COL28A1: variants seen among roughly 807,000 people sequenced by gnomAD.
COL28A1 encodes the protein collagen type XXVIII alpha 1 chain.
Under a neutral mutation model 150.2 loss-of-function variants are expected in COL28A1, and 161 were observed. The observed-to-expected ratio is 1.07, with a 90% CI of 0.94 to 1.22. The LOEUF (loss-of-function observed/expected upper bound fraction) is 1.22, where lower values mean the gene tolerates loss of function less well. COL28A1 is among the 50% of genes most tolerant of loss of function. COL28A1 has a pLI of 0.00. For missense variants in COL28A1, 1,617 were observed against 1,388.3 expected (o/e 1.16, Z -2.62); for synonymous variants, 552 against 469.7 (o/e 1.18, Z -2.26).
the COL28A1 span, among the ~76,000 whole-genome samples, chr7:7,343,271 A>C: frequency 3.9e-5 from 6 of 152,078 alleles, no homozygotes; most frequent in Non-Finnish European, 8.8e-5. Context: ...AAAATTTCAC[A>C]TGGTATCACC....
At chr7:7,521,995 A>G (rs771166792) in intron 4 of COL28A1, 34 bp from the exon 5 acceptor site, 8 of 871,214 alleles carry the variant, frequency 9.2e-6, no homozygotes, top group South Asian at 9.2e-5. Context: ...ATTAACACAC[A>G]GTGAAATTCA....
rs190506773 is a variant in COL28A1 at position 7,530,333 on chromosome 7, T to G, written c.681+1015A>C. ...TATTTAGGTAAGAAAACCTCAGATC[T>G]TATGCTGAAAGCAACAGAGAGTAAA... On this transcript the variant is annotated intron_variant, in intron 3 of 34. Transcript: ENST00000399429. 1.8e-3 allele frequency among the ~76,000 whole-genome samples: 274 copies of G among 152,266 alleles called. 3 individuals are homozygous for G. Among genetic ancestry groups the G allele is most frequent in the African/African-American group, 6.1e-3 (252 of 41,566 alleles).
downstream of COL28A1, chr7:7,356,293 T>C (rs1184030668): frequency 1.3e-5 from 2 of 152,156 alleles, no homozygotes; most frequent in Admixed American, 1.3e-4. Flanking sequence ...AAATTACCTA[T>C]AAATGTCAAC....
At chr7:7,541,407 T>C in the COL28A1 span, among the ~76,000 whole-genome samples, 1 of 152,218 alleles carries the variant, frequency 6.6e-6, no homozygotes, top group Non-Finnish European at 1.5e-5. Flanking sequence ...TCATTGTTTA[T>C]ATCCAGAACT....
intron 25 of COL28A1, among the ~76,000 whole-genome samples, chr7:7,420,880 AG>A (rs1784359817): frequency 1.3e-5 from 2 of 152,238 alleles, no homozygotes; most frequent in East Asian, 3.8e-4. Flanking sequence ...AGAAGGATGT[AG>A]AAAAACAGGA....
chr7:7,342,660 T>G, the COL28A1 span, among the ~76,000 whole-genome samples: 1 of 152,048 alleles, frequency 6.6e-6, no homozygotes, highest in Non-Finnish European at 1.5e-5. Context: ...AGTCTAAAGT[T>G]AACCAACATC....
chr7:7,537,913 T>C (rs1349856547), upstream of COL28A1, among the ~76,000 whole-genome samples: 1 of 152,172 alleles, frequency 6.6e-6, no homozygotes, highest in Non-Finnish European at 1.5e-5. Context: ...GTTAAAAACA[T>C]GCAGAATAAT....
At chr7:7,364,025 T>C (rs1411516063) in intron 33 of COL28A1, among the ~76,000 whole-genome samples, 3 of 152,162 alleles carry the variant, frequency 2.0e-5, no homozygotes, top group Non-Finnish European at 4.4e-5. Context: ...TTCCTCTCTA[T>C]TCTGCCTCAG....
chr7:7,354,701 A>G (rs1780309014), downstream of COL28A1, among the ~76,000 whole-genome samples: 1 of 152,210 alleles, frequency 6.6e-6, no homozygotes, highest in African/African-American at 2.4e-5. Context: ...TTCTTAAAAT[A>G]TTGGGACACT....
chr7:7,383,253 TGTGTGTG>T (rs1562511987), intron 27 of COL28A1, among the ~76,000 whole-genome samples: 2 of 105,302 alleles, frequency 1.9e-5, no homozygotes, highest in African/African-American at 1.0e-4. Context: ...TTTTTTGTTG[TGTGTGTG>T]TGTGTGTGTG....
intron 27 of COL28A1, among the ~76,000 whole-genome samples, chr7:7,390,773 T>C (rs1782493231): frequency 6.6e-6 from 1 of 152,242 alleles, no homozygotes; most frequent in Non-Finnish European, 1.5e-5. Context: ...TCTAGTTTAT[T>C]TGCATAGAGG....
At chr7:7,451,616 A>T (rs752086710) in intron 18 of COL28A1, among the ~76,000 whole-genome samples, 35 of 152,276 alleles carry the variant, frequency 2.3e-4, no homozygotes, top group Non-Finnish European at 4.7e-4. Flanking sequence ...GCTGAGCCTT[A>T]CTATATCGTA....
chr7:7,512,698 C>T (rs1320275996), intron 8 of COL28A1, among the ~76,000 whole-genome samples: 1 of 152,114 alleles, frequency 6.6e-6, no homozygotes, highest in African/African-American at 2.4e-5. Flanking sequence ...TTAGAGTTTT[C>T]AAAATGCTTT....
chr7:7,531,295 A>T (rs1336217922), intron 3 of COL28A1, 53 bp downstream of exon 3: 1 of 739,626 alleles, frequency 1.4e-6, no homozygotes, highest in African/African-American at 1.8e-5. Context: ...GATTTACAAC[A>T]AATATGTCAA....
chr7:7,375,778 A>G (rs1436802589), intron 30 of COL28A1, among the ~76,000 whole-genome samples: 2 of 152,184 alleles, frequency 1.3e-5, no homozygotes, highest in Non-Finnish European at 2.9e-5. Context: ...CCCTAACAGT[A>G]TCTGTGTCTC....
At chr7:7,490,518 C>T in intron 12 of COL28A1, 60 bp downstream of exon 12, 9 of 799,324 alleles carry the variant, frequency 1.1e-5, no homozygotes, top group East Asian at 2.6e-5. Context: ...AATCATGGCT[C>T]CCCCAGGCCC....
chr7:7,512,442 A>T (rs1322088597), intron 8 of COL28A1, among the ~76,000 whole-genome samples: 1 of 152,220 alleles, frequency 6.6e-6, no homozygotes, highest in Non-Finnish European at 1.5e-5. Context: ...GTATACATTT[A>T]TCAAATTATA....
At chr7:7,361,720 A>G (rs993147509) in intron 33 of COL28A1, among the ~76,000 whole-genome samples, 1 of 152,082 alleles carries the variant, frequency 6.6e-6, no homozygotes, top group African/African-American at 2.4e-5. Context: ...TCTAGTATAA[A>G]GACACACGCA....
the COL28A1 span, among the ~76,000 whole-genome samples, chr7:7,339,032 T>C: frequency 6.6e-6 from 1 of 152,142 alleles, no homozygotes; most frequent in Non-Finnish European, 1.5e-5. Flanking sequence ...CATCCTAGAT[T>C]AGCCAGTTCT....
Sources: allele counts gnomAD v4.1 joint callset (sites outside exome capture counted in the v4.1 genomes callset), GRCh38; gene constraint gnomAD v4.1.1; transcripts MANE v1.5; gene names NCBI Gene and HGNC (gene_info 2026-07-23, HGNC 2026-07-21).